Variants in IGF2R observed in about 807,000 individuals in gnomAD.
IGF2R encodes the protein cation-independent mannose-6-phosphate receptor.
IGF2R carries 91 observed loss-of-function variants against 270.6 expected under a neutral mutation model. The observed-to-expected ratio is 0.34, with a 90% CI of 0.28 to 0.40. IGF2R has a LOEUF of 0.40. Ranked by LOEUF, IGF2R falls within the 10% of genes least tolerant of loss-of-function variation. IGF2R has a pLI of 1.00. For missense variants in IGF2R, 2,805 were observed against 3,188.3 expected, an observed-to-expected ratio of 0.88 and a Z score of 2.90; for synonymous variants, 1,316 against 1,258.9, an observed-to-expected ratio of 1.05 and a Z score of -0.96.
chr6:160,095,748 G>A (rs1274154994), intron 44 of IGF2R: 6 of 152,460 alleles, frequency 3.9e-5, no homozygotes, highest in African/African-American at 1.2e-4. Context: ...CCATCCTAAT[G>A]TATGTCTCTG....
chr6:160,081,312 A>C (rs1778976987), intron 39 of IGF2R, among the ~76,000 whole-genome samples: 1 of 152,052 alleles, frequency 6.6e-6, no homozygotes, highest in African/African-American at 2.4e-5. Flanking sequence ...ACATGTTGGC[A>C]GGTTCTGTGA....
intron 1 of IGF2R, among the ~76,000 whole-genome samples, chr6:159,986,432 T>G (rs2342866): frequency 0.069 from 3,416 of 49,684 alleles, 40 homozygotes; most frequent in Non-Finnish European, 0.1. Context: ...GTGTGTGTGT[T>G]TTTTTTTTTT....
intron 22 of IGF2R, 151 bp from the exon 23 acceptor site, chr6:160,060,396 A>G: frequency 1.4e-6 from 1 of 719,284 alleles, no homozygotes; most frequent in African/African-American, 1.8e-5. Context: ...GAGTCCCTCG[A>G]TACACACTTG....
At chr6:159,988,304 A>G (rs1334311184) in intron 1 of IGF2R, among the ~76,000 whole-genome samples, 1 of 152,036 alleles carries the variant, frequency 6.6e-6, no homozygotes. Flanking sequence ...TCACGAGATC[A>G]GGAGATTAAG....
chr6:160,074,193 G>T, intron 35 of IGF2R: 1 of 563,968 alleles, frequency 1.8e-6, no homozygotes, highest in Non-Finnish European at 3.2e-6. Context: ...TTGAGCATGG[G>T]AGGTAACACG....
In IGF2R at chr6:160,060,617, G is replaced by T. The variant is rs1297352420; in HGVS notation, c.3162G>T (p.Leu1054=). Reference sequence around the variant, plus strand: ...TTTACTCAGGGCCCCTCAAATTCCTGCATCAAGATATCGACTCTGGGCAAG... The same window carrying T: ...TTTACTCAGGGCCCCTCAAATTCCTTCATCAAGATATCGACTCTGGGCAAG... ...DDVYSGPLKF[L]HQDIDSGQGI... is the part of the protein sequence containing the mutation. Residue 1054 remains leucine (L), a synonymous_variant, in exon 23 of 48, where the codon CTG becomes CTT. Transcript: ENST00000356956. 1 of 1,614,238 alleles carries T rather than the reference G, an allele frequency of 6.2e-7. No homozygotes were observed. Among genetic ancestry groups the T allele is most frequent in the Admixed American group, 1.7e-5 (1 of 60,032 alleles).
At chr6:160,056,350 C>A in intron 19 of IGF2R, 74 bp from the exon 20 acceptor site, 1 of 1,035,106 alleles carries the variant, frequency 9.7e-7, no homozygotes, top group Non-Finnish European at 1.5e-6. Flanking sequence ...TTTTATGTCT[C>A]AGGCGAGTAT....
chr6:160,077,530 G>A (rs1778880870), intron 36 of IGF2R, among the ~76,000 whole-genome samples: 1 of 152,224 alleles, frequency 6.6e-6, no homozygotes, highest in South Asian at 2.1e-4. Flanking sequence ...CATTGAGGGT[G>A]ATTAGTGTTT....
chr6:160,000,898 A>AT (rs530211318), intron 2 of IGF2R, among the ~76,000 whole-genome samples: 42 of 148,316 alleles, frequency 2.8e-4, no homozygotes, highest in Non-Finnish European at 4.5e-4. Context: ...TGTCCGGCTA[A>AT]TTTTTTTTTT....
At chr6:160,093,601 G>T in intron 44 of IGF2R, 2 of 693,706 alleles carry the variant, frequency 2.9e-6, no homozygotes, top group South Asian at 1.5e-5. Flanking sequence ...TGGGGGACTG[G>T]ATCATCAATG....
At position 160,107,956 on chromosome 6, in the gene IGF2R, G is replaced by A. The variant is rs1489946275; in HGVS notation, c.*2872G>A. The A allele has an allele frequency of 6.6e-6, 1 of 152,198 alleles. No homozygotes were observed. The highest frequency in any genetic ancestry group is 1.9e-4 in the East Asian group (1 of 5,210). 9.4% of individuals were successfully genotyped at this position (152,198 alleles called of 1,614,324 possible). A position where few individuals can be genotyped will look rare whatever the true frequency, so the allele number is the denominator to read the frequency against. On this transcript the variant is annotated 3_prime_UTR_variant, in exon 48 of 48. Coordinates refer to ENST00000356956, the MANE Select transcript of IGF2R (RefSeq NM_000876.4). The stretch of plus-strand genomic sequence containing the variant: ...CTTCACACGACTAAGATGCCACCTG[G>A]TGATTAAAGAACACTTTGGGCTGGT...
intron 1 of IGF2R, among the ~76,000 whole-genome samples, chr6:159,984,153 G>A (rs1783845412): frequency 6.6e-6 from 1 of 152,162 alleles, no homozygotes; most frequent in Non-Finnish European, 1.5e-5. Flanking sequence ...CTGCCTTTAC[G>A]ATATAAGTAG....
chr6:160,084,921 T>G lies in IGF2R; in HGVS notation c.6069-74T>G. Reference sequence around the variant, plus strand: ...TCAGAACCTTTCTCTGAAAGTAAAGTGAAGAGCCCTCCTGTGTCAGGGCAG... The same window carrying G: ...TCAGAACCTTTCTCTGAAAGTAAAGGGAAGAGCCCTCCTGTGTCAGGGCAG... On this transcript the variant is annotated intron_variant, in intron 40 of 47. Transcript: ENST00000356956. The surrounding 1 kb of genome is among the most constrained non-coding windows in gnomAD (Gnocchi z 4.6). 1 of 1,430,522 alleles carries G rather than the reference T, an allele frequency of 7.0e-7. No homozygotes were observed. The highest frequency in any genetic ancestry group is 9.6e-7 in the Non-Finnish European group (1 of 1,043,552). 88.6% of individuals were successfully genotyped at this position (1,430,522 alleles called of 1,614,324 possible). A position where few individuals can be genotyped will look rare whatever the true frequency, so the allele number is the denominator to read the frequency against.
chr6:160,011,855 G>A (rs181828082), intron 4 of IGF2R, among the ~76,000 whole-genome samples: 5 of 152,140 alleles, frequency 3.3e-5, no homozygotes, highest in African/African-American at 1.2e-4. Flanking sequence ...TTAATTAATT[G>A]ATTATCTCAC....
intron 23 of IGF2R, 43 bp downstream of exon 23, chr6:160,060,760 C>G (rs753120629): frequency 6.3e-7 from 1 of 1,597,284 alleles, no homozygotes; most frequent in East Asian, 2.2e-5. Context: ...GGTCAAGAGT[C>G]AGTGTGTGTG....
At chr6:160,067,011 T>C (rs374553124) in intron 29 of IGF2R, among the ~76,000 whole-genome samples, 52 of 152,188 alleles carry the variant, frequency 3.4e-4, no homozygotes, top group Non-Finnish European at 7.3e-4. Flanking sequence ...ATTAGAATGA[T>C]CCTCTTGAGA....
chr6:160,073,136 A>T (rs1778780712), intron 33 of IGF2R, 77 bp from the exon 34 acceptor site: 2 of 1,566,056 alleles, frequency 1.3e-6, no homozygotes, highest in Admixed American at 1.7e-5. Flanking sequence ...GATGGTCCTG[A>T]CTTGCGAAAG....
chr6:160,110,469 C>T lies in IGF2R; in HGVS notation c.*5385C>T, dbSNP rs150841483. The T allele has an allele frequency of 0.029, 4,365 of 152,298 alleles. 100 individuals carry two copies. The highest frequency in any genetic ancestry group is 0.044 in the Non-Finnish European group (2,982 of 68,032). 9.4% of individuals were successfully genotyped at this position (152,298 alleles called of 1,614,324 possible). A position where few individuals can be genotyped will look rare whatever the true frequency, so the allele number is the denominator to read the frequency against. ...GATGTGGAGAAAAGCGAACACTTGTCCACCTTTGGTGAGAATGTAAATTGG... is the reference window on the plus strand; with the variant it reads ...GATGTGGAGAAAAGCGAACACTTGTTCACCTTTGGTGAGAATGTAAATTGG... On this transcript the variant is annotated 3_prime_UTR_variant, in exon 48 of 48. Transcript: ENST00000356956.
In IGF2R at chr6:160,108,833, C is replaced by G. The variant is rs955212190; in HGVS notation, c.*3749C>G. 2 of 152,244 alleles carry G rather than the reference C, an allele frequency of 1.3e-5. No individual in the cohort carries two copies. Among genetic ancestry groups the G allele is most frequent in the Non-Finnish European group, 2.9e-5 (2 of 68,090 alleles). The allele number at this position is 152,244 out of a possible 1,614,324, so 9.4% of individuals were successfully genotyped here. ...TAGTAGCTGGGATTAAAGGCACGCA[C>G]TGCCACGCCCGGCTAATTTTTGTAT... On this transcript the variant is annotated 3_prime_UTR_variant, in exon 48 of 48. Coordinates refer to ENST00000356956, the MANE Select transcript of IGF2R (RefSeq NM_000876.4).
Sources: gnomAD v4.1 joint callset for allele counts (sites outside exome capture counted in the v4.1 genomes callset) on GRCh38, gnomAD v4.1.1 for gene constraint, Gnocchi (gnomAD v3.1) non-coding constraint, MANE v1.5 for transcripts, NCBI Gene and HGNC (gene_info 2026-07-23, HGNC 2026-07-21) for gene names.